The following TENM2 variants were observed in gnomAD, a reference collection of about 807,000 sequenced individuals.
The protein encoded by TENM2 is teneurin-2.
TENM2 carries 52 observed loss-of-function variants against 245.2 expected under a neutral mutation model. The observed-to-expected ratio is 0.21, with a 90% CI of 0.17 to 0.27. The LOEUF (loss-of-function observed/expected upper bound fraction) is 0.27, where lower values mean the gene tolerates loss of function less well. TENM2 is among the 10% of genes least tolerant of loss of function. The pLI, the probability that TENM2 is intolerant of heterozygous loss-of-function variation, is 1.00. For synonymous variants in TENM2, 1,363 were observed against 1,438.9 expected (o/e 0.95, Z 1.19); for missense variants, 3,046 against 3,666.8 (o/e 0.83, Z 4.37).
chr5:167,483,647 G>T (rs1195001806), intron 2 of TENM2, among the ~76,000 whole-genome samples: 1 of 152,114 alleles, frequency 6.6e-6, no homozygotes, highest in Non-Finnish European at 1.5e-5. Flanking sequence ...ATTCAAACAA[G>T]CTAATGAGTA....
chr5:168,256,487 A>G (rs1184764633), intron 27 of TENM2, among the ~76,000 whole-genome samples: 1 of 148,134 alleles, frequency 6.8e-6, no homozygotes, highest in Non-Finnish European at 1.5e-5. Context: ...GTGCAATGGC[A>G]CAATCTCAGC....
At chr5:167,399,639 GC>G (rs1287674573) in intron 2 of TENM2, among the ~76,000 whole-genome samples, 1 of 152,128 alleles carries the variant, frequency 6.6e-6, no homozygotes, top group African/African-American at 2.4e-5. Flanking sequence ...TCACTTCCTA[GC>G]TTTTGGGATG....
At chr5:167,152,151 G>A in the TENM2 span, among the ~76,000 whole-genome samples, 968 of 152,256 alleles carry the variant, frequency 6.4e-3, 3 homozygotes, top group Middle Eastern at 0.02. Flanking sequence ...CTGATTTCTC[G>A]TATGTATTTA....
At chr5:167,766,234 C>T (rs1763009855) in intron 2 of TENM2, among the ~76,000 whole-genome samples, 1 of 151,860 alleles carries the variant, frequency 6.6e-6, no homozygotes. Flanking sequence ...GCTTTCATGG[C>T]AAAGGAATTA....
intron 12 of TENM2, among the ~76,000 whole-genome samples, chr5:168,133,257 AT>A (rs1754749315): frequency 6.6e-6 from 1 of 152,246 alleles, no homozygotes. Context: ...ACTGATGATT[AT>A]ACAGCTATTA....
chr5:167,210,730 T>C, the TENM2 span, among the ~76,000 whole-genome samples: 1 of 152,166 alleles, frequency 6.6e-6, no homozygotes, highest in South Asian at 2.1e-4. Context: ...CCCAAAGTGC[T>C]GGGATTACAG....
the TENM2 span, among the ~76,000 whole-genome samples, chr5:167,239,391 A>G: frequency 6.6e-6 from 1 of 152,184 alleles, no homozygotes; most frequent in Non-Finnish European, 1.5e-5. Flanking sequence ...TGTTCTTTCT[A>G]TCAAGAACAT....
chr5:167,317,365 C>T (rs574439139), intron 1 of TENM2, among the ~76,000 whole-genome samples: 1 of 152,038 alleles, frequency 6.6e-6, no homozygotes, highest in African/African-American at 2.4e-5. Flanking sequence ...GGTTACATAT[C>T]TTAGTTGCTC....
chr5:167,260,032 C>T, the TENM2 span, among the ~76,000 whole-genome samples: 2 of 152,136 alleles, frequency 1.3e-5, no homozygotes, highest in African/African-American at 4.8e-5. Context: ...CAAGACACGC[C>T]AAGTCATCTT....
chr5:167,970,903 T>A (rs1476169239), intron 4 of TENM2, among the ~76,000 whole-genome samples: 2 of 151,714 alleles, frequency 1.3e-5, no homozygotes, highest in Non-Finnish European at 2.9e-5. Flanking sequence ...TATAATCGTG[T>A]GTGTGGTGGC....
intron 6 of TENM2, among the ~76,000 whole-genome samples, chr5:168,049,799 G>GT (rs1402980702): frequency 6.6e-6 from 1 of 151,954 alleles, no homozygotes; most frequent in East Asian, 1.9e-4. Flanking sequence ...ATGTTATTTT[G>GT]TTTTTTTGTT....
intron 2 of TENM2, chr5:167,653,412 T>C (rs1346893874): frequency 6.6e-6 from 1 of 152,192 alleles, no homozygotes; most frequent in Non-Finnish European, 1.5e-5. Flanking sequence ...CAAGTTACCA[T>C]GCCTAGCTAT....
chr5:167,298,031 A>G (rs1329887885), intron 1 of TENM2, among the ~76,000 whole-genome samples: 1 of 152,190 alleles, frequency 6.6e-6, no homozygotes, highest in Non-Finnish European at 1.5e-5. Flanking sequence ...GCTTGGGCTC[A>G]GAGGCCTGAC....
intron 2 of TENM2, among the ~76,000 whole-genome samples, chr5:167,702,239 C>T (rs1758187677): frequency 6.6e-6 from 1 of 152,156 alleles, no homozygotes; most frequent in African/African-American, 2.4e-5. Context: ...CCCATTCATT[C>T]AGTTACACAA....
At chr5:168,125,367 C>T (rs776695837) in intron 11 of TENM2, among the ~76,000 whole-genome samples, 2 of 152,080 alleles carry the variant, frequency 1.3e-5, no homozygotes, top group Non-Finnish European at 2.9e-5. Context: ...CATTTCAGCC[C>T]CAGACAAACT....
intron 2 of TENM2, among the ~76,000 whole-genome samples, chr5:167,696,070 A>G (rs1260440284): frequency 1.3e-5 from 2 of 151,308 alleles, no homozygotes; most frequent in African/African-American, 4.8e-5. Context: ...CAACAACAAC[A>G]ATTGATTTAC....
intron 2 of TENM2, among the ~76,000 whole-genome samples, chr5:167,761,229 T>C (rs1762643549): frequency 6.6e-6 from 1 of 152,212 alleles, no homozygotes; most frequent in Non-Finnish European, 1.5e-5. Context: ...TTTACTTTTG[T>C]TTTTTGTTTT....
At chr5:167,975,082 C>T (rs972397821) in intron 4 of TENM2, among the ~76,000 whole-genome samples, 4 of 152,236 alleles carry the variant, frequency 2.6e-5, no homozygotes, top group East Asian at 3.8e-4. Flanking sequence ...TGCCTGAAGG[C>T]GGGCACCTGC....
At chr5:167,070,130 T>C in the TENM2 span, among the ~76,000 whole-genome samples, 23,209 of 150,872 alleles carry the variant, frequency 0.15, 2,623 homozygotes, top group East Asian at 0.38. Flanking sequence ...TATTTATTTA[T>C]TTTTTGAGAC....
Sources: allele counts gnomAD v4.1 joint callset (sites outside exome capture counted in the v4.1 genomes callset), GRCh38; gene constraint gnomAD v4.1.1; transcripts MANE v1.5; gene names NCBI Gene and HGNC (gene_info 2026-07-23, HGNC 2026-07-21).